Variants in IL1RAP observed in about 807,000 individuals in gnomAD.
The protein encoded by IL1RAP is interleukin 1 receptor accessory protein, also known as interleukin-1 receptor accessory protein.
IL1RAP carries 35 observed loss-of-function variants against 60.7 expected under a neutral mutation model. The observed-to-expected ratio is 0.58, with a 90% CI of 0.44 to 0.76. The LOEUF (loss-of-function observed/expected upper bound fraction) is 0.76. IL1RAP is among the 30% of genes least tolerant of loss of function. The probability of loss-of-function intolerance (pLI) is 0.00; values close to 1 mark genes in which losing one functional copy is unlikely to be tolerated. For missense variants in IL1RAP, 572 were observed against 693.9 expected, an observed-to-expected ratio of 0.82 and a Z score of 1.97; for synonymous variants, 268 against 250.9, an observed-to-expected ratio of 1.07 and a Z score of -0.64.
At chr3:190,607,874 G>A (rs930488557) in intron 4 of IL1RAP, among the ~76,000 whole-genome samples, 1 of 152,026 alleles carries the variant, frequency 6.6e-6, no homozygotes, top group Non-Finnish European at 1.5e-5. Flanking sequence ...GGCTCTGGAT[G>A]GGCCATTTTG....
chr3:190,615,448 T>C (rs1035885564), intron 5 of IL1RAP: 1 of 426,324 alleles, frequency 2.3e-6, no homozygotes. Context: ...CTGTATTAAT[T>C]CTCTTCCTTA....
intron 2 of IL1RAP, among the ~76,000 whole-genome samples, chr3:190,561,427 G>A (rs1725881566): frequency 6.6e-6 from 1 of 152,094 alleles, no homozygotes; most frequent in African/African-American, 2.4e-5. Context: ...ATGTGTGTTC[G>A]CAGACAGGTT....
At chr3:190,551,697 A>C (rs1577569218) in intron 1 of IL1RAP, among the ~76,000 whole-genome samples, 1 of 152,266 alleles carries the variant, frequency 6.6e-6, no homozygotes, top group East Asian at 1.9e-4. Flanking sequence ...GTTATCAAAA[A>C]CCTGTATTTA....
At chr3:190,528,752 A>G (rs1462159240) in intron 1 of IL1RAP, among the ~76,000 whole-genome samples, 1 of 152,238 alleles carries the variant, frequency 6.6e-6, no homozygotes, top group African/African-American at 2.4e-5. Flanking sequence ...ACATTTTTGT[A>G]TTTCAGAGGA....
intron 5 of IL1RAP, among the ~76,000 whole-genome samples, chr3:190,612,719 A>G (rs1306601743): frequency 2.0e-5 from 3 of 152,172 alleles, no homozygotes; most frequent in Non-Finnish European, 2.9e-5. Flanking sequence ...ATGATTTATG[A>G]TGGGGCTATG....
At chr3:190,583,658 T>TTTCAAACTGAGAGAAATTGC (rs1371017807) in intron 3 of IL1RAP, among the ~76,000 whole-genome samples, 1 of 152,122 alleles carries the variant, frequency 6.6e-6, no homozygotes, top group African/African-American at 2.4e-5. Flanking sequence ...GCTATGGTGG[T>TTTCAAACTGAGAGAAATTGC]TTCAAACTGA....
intron 5 of IL1RAP, among the ~76,000 whole-genome samples, chr3:190,617,819 C>A (rs1731410617): frequency 6.6e-6 from 1 of 152,180 alleles, no homozygotes; most frequent in Admixed American, 6.5e-5. Context: ...AGACACACAG[C>A]AGGTTAATGT....
At chr3:190,526,708 G>A (rs1186696914) in intron 1 of IL1RAP, among the ~76,000 whole-genome samples, 3 of 152,194 alleles carry the variant, frequency 2.0e-5, no homozygotes, top group African/African-American at 4.8e-5. Context: ...CATAATTAGA[G>A]CTGAGTCTAT....
chr3:190,640,566 G>C (rs1446477702), intron 9 of IL1RAP, among the ~76,000 whole-genome samples: 3 of 152,152 alleles, frequency 2.0e-5, no homozygotes, highest in Non-Finnish European at 4.4e-5. Flanking sequence ...TTAGAACGGA[G>C]TAGCCATGGG....
At chr3:190,654,713 C>A (rs1032140495), downstream of IL1RAP, among the ~76,000 whole-genome samples, 1 of 152,214 alleles carries the variant, frequency 6.6e-6, no homozygotes, top group African/African-American at 2.4e-5. Flanking sequence ...AAACTCTCTC[C>A]GTTACTGTTT....
chr3:190,640,702 G>A (rs1733595301), intron 9 of IL1RAP, among the ~76,000 whole-genome samples: 1 of 152,156 alleles, frequency 6.6e-6, no homozygotes. Context: ...AGAGAAACGT[G>A]ATTGTAGAGC....
intron 1 of IL1RAP, among the ~76,000 whole-genome samples, chr3:190,547,698 C>G (rs1425774358): frequency 6.6e-6 from 1 of 152,122 alleles, no homozygotes; most frequent in Non-Finnish European, 1.5e-5. Flanking sequence ...TCCCAGGTGG[C>G]GAAGTGTTGG....
At chr3:190,656,619 G>C (rs771966810) in exon 12 of IL1RAP, 1 of 1,442,242 alleles carries the variant, frequency 6.9e-7, no homozygotes, top group Admixed American at 2.2e-5. Flanking sequence ...TACTGTGTGT[G>C]GTGGGTGGTG....
rs117225464 is a variant in IL1RAP at position 190,522,167 on chromosome 3, C to A, written c.-89+7948C>A. On this transcript the variant is annotated intron_variant, in intron 1 of 11. Coordinates refer to ENST00000447382, the MANE Select transcript of IL1RAP (RefSeq NM_002182.4). ...AGCAGATTGAATGAATAGAGTAGAT[C>A]GTAAGAAGTAGGCTGAGCTTCGGAA... Among the ~76,000 whole-genome samples the A allele has an allele frequency of 4.7e-4, 71 of 152,104 alleles. 1 individual carries two copies. In the East Asian group the frequency reaches 5.0e-3, roughly 11 times the overall value.
intron 9 of IL1RAP, among the ~76,000 whole-genome samples, chr3:190,637,105 T>C (rs1733285335): frequency 6.6e-6 from 1 of 152,216 alleles, no homozygotes; most frequent in Non-Finnish European, 1.5e-5. Flanking sequence ...ATAATACATT[T>C]TGGTTTTGCA....
intron 10 of IL1RAP, among the ~76,000 whole-genome samples, chr3:190,644,963 G>A (rs1733911763): frequency 1.3e-5 from 2 of 152,164 alleles, no homozygotes; most frequent in Admixed American, 6.5e-5. Flanking sequence ...TGAACCAGCA[G>A]CAACATATCA....
intron 4 of IL1RAP, among the ~76,000 whole-genome samples, chr3:190,606,528 A>C (rs1730343118): frequency 6.6e-6 from 1 of 152,200 alleles, no homozygotes; most frequent in Admixed American, 6.5e-5. Flanking sequence ...CTTCAATATC[A>C]GTTTTACTTT....
intron 5 of IL1RAP, 130 bp downstream of exon 5, chr3:190,609,311 T>TGC: frequency 1.7e-6 from 1 of 598,112 alleles, no homozygotes; most frequent in Non-Finnish European, 2.7e-6. Flanking sequence ...AATAGCTTTA[T>TGC]GGAAGTATTT....
At chr3:190,626,938 G>A (rs563712982) in intron 7 of IL1RAP, among the ~76,000 whole-genome samples, 1 of 152,066 alleles carries the variant, frequency 6.6e-6, no homozygotes, top group African/African-American at 2.4e-5. Flanking sequence ...CCAAAGTGCT[G>A]GGATTACAGG....
Sources: allele counts gnomAD v4.1 joint callset (sites outside exome capture counted in the v4.1 genomes callset), GRCh38; gene constraint gnomAD v4.1.1; transcripts MANE v1.5; gene names NCBI Gene and HGNC (gene_info 2026-07-23, HGNC 2026-07-21).